Variants in HIPK3 observed in about 807,000 individuals in gnomAD.
HIPK3 encodes homeodomain interacting protein kinase 3.
In HIPK3, 47 loss-of-function variants were observed where a neutral mutation model predicts 124.2. The ratio of observed to expected loss-of-function variants is 0.38; its 90% CI spans 0.30 to 0.48. The LOEUF (loss-of-function observed/expected upper bound fraction) is 0.48. Ranked by LOEUF, HIPK3 falls within the 20% of genes least tolerant of loss-of-function variation. HIPK3 has a pLI of 0.98. For synonymous variants in HIPK3, 482 were observed against 515.2 expected (o/e 0.94, Z 0.87); for missense variants, 1,286 against 1,454.3 (o/e 0.88, Z 1.88).
At chr11:33,257,248 C>T (rs1490302644), upstream of HIPK3, 1 of 983,742 alleles carries the variant, frequency 1.0e-6, no homozygotes, top group Non-Finnish European at 1.2e-6. Flanking sequence ...AGGGGCTTCA[C>T]GGAGGCGCCG....
At chr11:33,350,377 A>G (rs1853621014) in intron 14 of HIPK3, among the ~76,000 whole-genome samples, 1 of 152,082 alleles carries the variant, frequency 6.6e-6, no homozygotes, top group Non-Finnish European at 1.5e-5. Context: ...ATTGAGAGAT[A>G]AGCCACAGTC....
chr11:33,258,561 G>C (rs1410824590), intron 1 of HIPK3: 1 of 985,374 alleles, frequency 1.0e-6, no homozygotes, highest in Non-Finnish European at 1.2e-6. Flanking sequence ...GCGCGGCGGG[G>C]CTGTTGCCGG....
intron 2 of HIPK3, among the ~76,000 whole-genome samples, chr11:33,326,170 G>A (rs1366400898): frequency 2.0e-5 from 3 of 152,154 alleles, no homozygotes; most frequent in African/African-American, 7.2e-5. Context: ...GAAGAAATGG[G>A]GTGGTCCTCC....
intron 1 of HIPK3, among the ~76,000 whole-genome samples, chr11:33,264,773 T>A (rs1850911940): frequency 6.6e-6 from 1 of 152,220 alleles, no homozygotes; most frequent in Non-Finnish European, 1.5e-5. Context: ...TTAGAGTTTT[T>A]AAAAACAAAA....
chr11:33,318,391 G>A (rs1852567756), intron 2 of HIPK3, among the ~76,000 whole-genome samples: 1 of 151,990 alleles, frequency 6.6e-6, no homozygotes, highest in South Asian at 2.1e-4. Flanking sequence ...GTAGTTTTAG[G>A]GATCATAGGA....
chr11:33,329,183 A>G (rs1231472468), intron 3 of HIPK3, among the ~76,000 whole-genome samples: 1 of 152,186 alleles, frequency 6.6e-6, no homozygotes, highest in Non-Finnish European at 1.5e-5. Flanking sequence ...GTTTTCAGGT[A>G]TATTCATTAG....
chr11:33,312,733 T>C (rs528437367), intron 2 of HIPK3, among the ~76,000 whole-genome samples: 1 of 152,352 alleles, frequency 6.6e-6, no homozygotes, highest in South Asian at 2.1e-4. Flanking sequence ...CACTATCATT[T>C]ATTGACCCTG....
intron 1 of HIPK3, among the ~76,000 whole-genome samples, chr11:33,269,140 C>T (rs1271897132): frequency 6.6e-6 from 1 of 152,164 alleles, no homozygotes; most frequent in Non-Finnish European, 1.5e-5. Flanking sequence ...TATTGCATAG[C>T]TTGGCAGGTA....
At chr11:33,270,839 CATT>C (rs1851105527) in intron 1 of HIPK3, among the ~76,000 whole-genome samples, 1 of 151,966 alleles carries the variant, frequency 6.6e-6, no homozygotes, top group Admixed American at 6.6e-5. Flanking sequence ...TAAGAGGAAA[CATT>C]GTTATATCCA....
chr11:33,256,959 G>C (rs781553144), upstream of HIPK3, among the ~76,000 whole-genome samples: 3 of 152,196 alleles, frequency 2.0e-5, no homozygotes, highest in Admixed American at 6.5e-5. Flanking sequence ...ACCAAATGCC[G>C]AGAAACAGAT....
chr11:33,342,876 T>C (rs1853378044), intron 8 of HIPK3, among the ~76,000 whole-genome samples: 1 of 152,132 alleles, frequency 6.6e-6, no homozygotes, highest in Non-Finnish European at 1.5e-5. Context: ...GGAAATCTCT[T>C]AGTGGTTTCT....
chr11:33,281,058 C>CTTTTTTTTTTTTTTTTTTT (rs56902582), intron 1 of HIPK3, among the ~76,000 whole-genome samples: 3 of 111,808 alleles, frequency 2.7e-5, no homozygotes, highest in Non-Finnish European at 5.2e-5. Flanking sequence ...ACTTATTTGA[C>CTTTTTTTTTTTTTTTTTTT]TTTTTTTTTT....
chr11:33,299,269 CAA>C (rs1851925894), intron 2 of HIPK3, among the ~76,000 whole-genome samples: 1 of 151,250 alleles, frequency 6.6e-6, no homozygotes, highest in South Asian at 2.1e-4. Context: ...GTCAGGAGTT[CAA>C]GACCAGATTG....
chr11:33,286,940 A>C lies in HIPK3; in HGVS notation c.526A>C (p.Thr176Pro). 1.2e-6 allele frequency: 2 copies of C among 1,614,242 alleles called. No individual in the cohort carries two copies. The highest frequency in any genetic ancestry group is 1.7e-6 in the Non-Finnish European group (2 of 1,180,018). ...TACCACAGGATCAAAACAGAATTGT[A>C]CCACTGGAGAAGGTGACTATCAGTT... ...TATTGSKQNCTTGEGDYQLVQ... is the reference protein window; with the variant it reads ...TATTGSKQNCPTGEGDYQLVQ... Residue 176 changes from threonine (T) to proline (P), a missense_variant, in exon 2 of 17, where the codon ACC becomes CCC. By Grantham distance (38) the Thr-to-Pro change is conservative. Around this residue, in one of 3 missense-constraint regions of HIPK3, gnomAD observed 225 missense variants for 240.3 expected, o/e 0.94. Coordinates refer to ENST00000303296, the MANE Select transcript of HIPK3 (RefSeq NM_005734.5).
chr11:33,319,493 T>C (rs1463080904), intron 2 of HIPK3, among the ~76,000 whole-genome samples: 2 of 137,138 alleles, frequency 1.5e-5, no homozygotes, highest in African/African-American at 5.2e-5. Flanking sequence ...CGAAACTCCA[T>C]CTCAAAAAAA....
chr11:33,323,172 G>C (rs898302905), intron 2 of HIPK3, among the ~76,000 whole-genome samples: 6 of 152,210 alleles, frequency 3.9e-5, no homozygotes, highest in Admixed American at 3.9e-4. Flanking sequence ...AAACATGGTT[G>C]AACACTGAAA....
At chr11:33,271,882 G>A (rs267428) in intron 1 of HIPK3, among the ~76,000 whole-genome samples, 106,923 of 152,016 alleles carry the variant, frequency 0.7, 37,688 homozygotes, top group Non-Finnish European at 0.72. Context: ...GGTTTTTAGT[G>A]TCATGCATTG....
chr11:33,322,504 A>G (rs185415671), intron 2 of HIPK3, among the ~76,000 whole-genome samples: 63 of 152,310 alleles, frequency 4.1e-4, no homozygotes, highest in African/African-American at 1.5e-3. Flanking sequence ...TGCACTGGAC[A>G]AAGTAGGAAG....
rs75534178 is a variant in HIPK3, at chr11:33,277,697, C to T, written c.-2-8716C>T. Among the ~76,000 whole-genome samples the T allele has an allele frequency of 5.6e-3, 852 of 152,286 alleles. 8 individuals are homozygous for T. Among genetic ancestry groups the T allele is most frequent in the African/African-American group, 0.02 (812 of 41,572 alleles). On this transcript the variant is annotated intron_variant, in intron 1 of 16. Transcript: ENST00000303296. Reference sequence around the variant, plus strand: ...AGAATTTCTCTAGATGGAGTATACACCTGGGAGAAGAATTGCTGGATTATA... The same window carrying T: ...AGAATTTCTCTAGATGGAGTATACATCTGGGAGAAGAATTGCTGGATTATA...
Sources: allele counts gnomAD v4.1 joint callset (sites outside exome capture counted in the v4.1 genomes callset), GRCh38; gene constraint gnomAD v4.1.1; regional missense constraint gnomAD v4.1.1; transcripts MANE v1.5; gene names NCBI Gene and HGNC (gene_info 2026-07-23, HGNC 2026-07-21).